TNKS: variants seen among roughly 807,000 people sequenced by gnomAD.
TNKS encodes poly [ADP-ribose] polymerase tankyrase-1.
TNKS carries 72 observed loss-of-function variants against 135.8 expected under a neutral mutation model. The ratio of observed to expected loss-of-function variants is 0.53; its 90% CI spans 0.44 to 0.64. The LOEUF (loss-of-function observed/expected upper bound fraction) is 0.64. Ranked by LOEUF, TNKS falls within the 30% of genes least tolerant of loss-of-function variation. The pLI is 0.00. For synonymous variants in TNKS, 849 were observed against 649.3 expected (o/e 1.31, Z -4.68); for missense variants, 1,769 against 1,674.0 (o/e 1.06, Z -0.99).
rs1804034798 is a variant in TNKS at position 9,706,179 on chromosome 8, T to G, written c.1203-8T>G. 2 of 1,560,792 alleles carry G rather than the reference T, an allele frequency of 1.3e-6. No homozygotes were observed. The highest frequency in any genetic ancestry group is 8.6e-7 in the Non-Finnish European group (1 of 1,159,800). On this transcript the variant is annotated splice_polypyrimidine_tract_variant and splice_region_variant and intron_variant, in intron 6 of 26. Transcript: ENST00000310430. ...TTTAAGTATTTTAATTTGCCTCTTT[T>G]CATTTAGTGGACTTGTGCCTCTTCA...
intron 1 of TNKS, among the ~76,000 whole-genome samples, chr8:9,562,153 C>T (rs1040189950): frequency 2.6e-5 from 4 of 151,484 alleles, no homozygotes; most frequent in African/African-American, 4.9e-5. Context: ...CTTTTTTTTT[C>T]TACTGGGCAC....
chr8:9,767,904 A>T (rs756570409), intron 25 of TNKS, among the ~76,000 whole-genome samples: 2 of 149,178 alleles, frequency 1.3e-5, no homozygotes, highest in African/African-American at 2.5e-5. Flanking sequence ...GGTTGCAGTG[A>T]GCCGAGATCG....
At chr8:9,772,877 T>A (rs1808013455) in intron 26 of TNKS, among the ~76,000 whole-genome samples, 2 of 144,696 alleles carry the variant, frequency 1.4e-5, no homozygotes. Context: ...TATGTGTGGG[T>A]GTGGGTGTAT....
At chr8:9,583,164 C>CAAAA (rs35527299) in intron 2 of TNKS, among the ~76,000 whole-genome samples, 1 of 71,708 alleles carries the variant, frequency 1.4e-5, no homozygotes, top group Non-Finnish European at 3.0e-5. Flanking sequence ...GACTCTGTCT[C>CAAAA]AAAAAAAAAA....
rs1398671529 is a variant in TNKS at position 9,730,875 on chromosome 8, T to C, written c.2002-15T>C. ...TGTTCGTTTTGTGTTTGTCTTTGTG[T>C]GTGCACCACGAAAGCAACTTTGCAG... On this transcript the variant is annotated splice_polypyrimidine_tract_variant and intron_variant, in intron 13 of 26. Coordinates refer to ENST00000310430, the MANE Select transcript of TNKS (RefSeq NM_003747.3). 2.5e-6 allele frequency: 4 copies of C among 1,609,248 alleles called. No individual in the cohort carries two copies. In the Admixed American group the frequency reaches 6.7e-5, roughly 27 times the overall value.
intron 3 of TNKS, among the ~76,000 whole-genome samples, chr8:9,621,547 C>G (rs921160712): frequency 1.3e-5 from 2 of 152,062 alleles, no homozygotes; most frequent in African/African-American, 4.8e-5. Context: ...CTCAGGTGAT[C>G]CACCCACCTC....
At chr8:9,691,518 A>C (rs1361524301) in intron 5 of TNKS, among the ~76,000 whole-genome samples, 1 of 152,170 alleles carries the variant, frequency 6.6e-6, no homozygotes, top group African/African-American at 2.4e-5. Context: ...GAGCCCCCAC[A>C]CAAAGGAAAA....
intron 3 of TNKS, among the ~76,000 whole-genome samples, chr8:9,624,849 C>T (rs1053674156): frequency 1.3e-5 from 2 of 151,994 alleles, no homozygotes; most frequent in Admixed American, 6.6e-5. Context: ...CATATCCTCC[C>T]GTATACTTTA....
At chr8:9,658,200 G>A in intron 3 of TNKS, 1 of 279,956 alleles carries the variant, frequency 3.6e-6, no homozygotes, top group South Asian at 1.1e-4. Context: ...CAGACGATGG[G>A]CGGCCAGGCA....
At chr8:9,741,349 GA>G in intron 17 of TNKS, among the ~76,000 whole-genome samples, 2 of 152,232 alleles carry the variant, frequency 1.3e-5, no homozygotes. Context: ...TTATAATAAT[GA>G]ACTGATCTAG....
intron 17 of TNKS, among the ~76,000 whole-genome samples, chr8:9,736,350 T>TAAA (rs1204895063): frequency 1.0e-4 from 9 of 87,464 alleles, no homozygotes; most frequent in Non-Finnish European, 1.6e-4. Context: ...AGACCTCATC[T>TAAA]AAAAAAAAAA....
chr8:9,781,306 A>G lies in TNKS; in HGVS notation c.*4570A>G, dbSNP rs1808449193. On this transcript the variant is annotated 3_prime_UTR_variant, in exon 27 of 27. Coordinates refer to ENST00000310430, the MANE Select transcript of TNKS (RefSeq NM_003747.3). ...TCTGTGATTTCTTTTACATCAGTCT[A>G]CCCATTTCTGCAGGCAGCCCTGAAA... 6.6e-6 allele frequency: 1 copy of G among 152,112 alleles called. No homozygotes were observed. The highest frequency in any genetic ancestry group is 6.5e-5 in the Admixed American group (1 of 15,272). The allele number at this position is 152,112 out of a possible 1,614,324, so 9.4% of individuals were successfully genotyped here. A position where few individuals can be genotyped will look rare whatever the true frequency, so the allele number is the denominator to read the frequency against.
chr8:9,740,448 T>G (rs1805880506), intron 17 of TNKS, among the ~76,000 whole-genome samples: 1 of 152,234 alleles, frequency 6.6e-6, no homozygotes, highest in Non-Finnish European at 1.5e-5. Context: ...TCCCTGGCCC[T>G]TTGTAATGAG....
rs768238771 is a variant in TNKS at position 9,555,951 on chromosome 8, G to A, written c.12G>A (p.Ser4=). The A allele has an allele frequency of 8.1e-6, 13 of 1,611,448 alleles. No individual in the cohort carries two copies. The highest frequency in any genetic ancestry group is 5.0e-5 in the Admixed American group (3 of 59,608). Residue 4 remains serine (S), a synonymous_variant, in exon 1 of 27, where the codon TCG becomes TCA. Coordinates refer to ENST00000310430, the MANE Select transcript of TNKS (RefSeq NM_003747.3). ...AGGGGAGTCCGAAGATGGCGGCGTC[G>A]CGTCGCTCTCAGCATCATCACCACC... MAA[S]RRSQHHHHHH...
chr8:9,610,990 A>G (rs889629847), intron 2 of TNKS, among the ~76,000 whole-genome samples: 1 of 152,238 alleles, frequency 6.6e-6, no homozygotes, highest in Non-Finnish European at 1.5e-5. Flanking sequence ...CAACATAGCT[A>G]AAGTAATACC....
chr8:9,772,197 T>C (rs923949497), intron 26 of TNKS, among the ~76,000 whole-genome samples: 5 of 151,388 alleles, frequency 3.3e-5, no homozygotes, highest in Admixed American at 2.0e-4. Flanking sequence ...AATATGGGGA[T>C]TGTTTCACTA....
rs1180672807 is a variant in TNKS, at chr8:9,761,589, G to A, written c.3227G>A (p.Arg1076His). Reference protein sequence around the residue: ...KEIGINAYGHRHKLIKGVERL... With the variant: ...KEIGINAYGHHHKLIKGVERL... Reference sequence around the variant, plus strand: ...ATAGGCATCAATGCATATGGGCACCGCCACAAATTAATCAAAGGAGTAGAA... The same window carrying A: ...ATAGGCATCAATGCATATGGGCACCACCACAAATTAATCAAAGGAGTAGAA... The change falls in exon 21 of 27, where the codon CGC (arginine) becomes CAC (histidine). Residue 1076 changes from arginine (R) to histidine (H), a missense_variant. By Grantham distance (29) the Arg-to-His change is conservative. This residue lies in a region of TNKS where 722 missense variants were observed against 688.9 expected (regional missense o/e 1.05). Transcript: ENST00000310430. The A allele has an allele frequency of 4.4e-6, 7 of 1,602,964 alleles. No individual in the cohort carries two copies. Among genetic ancestry groups the A allele is most frequent in the Non-Finnish European group, 5.9e-6 (7 of 1,177,300 alleles).
intron 2 of TNKS, among the ~76,000 whole-genome samples, chr8:9,582,412 G>C (rs1798200243): frequency 6.6e-6 from 1 of 152,164 alleles, no homozygotes; most frequent in African/African-American, 2.4e-5. Flanking sequence ...CCTAGATGAT[G>C]AAATACTGGC....
At chr8:9,729,422 C>T (rs1805314866) in intron 13 of TNKS, among the ~76,000 whole-genome samples, 1 of 152,140 alleles carries the variant, frequency 6.6e-6, no homozygotes, top group African/African-American at 2.4e-5. Flanking sequence ...CCCCAGGGAC[C>T]CTGCAATCGT....
Sources: allele counts gnomAD v4.1 joint callset (sites outside exome capture counted in the v4.1 genomes callset), GRCh38; gene constraint gnomAD v4.1.1; regional missense constraint gnomAD v4.1.1; transcripts MANE v1.5; gene names NCBI Gene and HGNC (gene_info 2026-07-23, HGNC 2026-07-21).